Variants in GRID1 observed in about 807,000 individuals in gnomAD.
GRID1 encodes glutamate receptor ionotropic, delta-1.
GRID1 carries 28 observed loss-of-function variants against 98.0 expected under a neutral mutation model. The observed-to-expected ratio is 0.29, with a 90% CI of 0.21 to 0.39. The LOEUF (loss-of-function observed/expected upper bound fraction) is 0.39. GRID1 is among the 10% of genes least tolerant of loss of function. The pLI is 1.00. For missense variants in GRID1, 1,111 were observed against 1,340.5 expected (o/e 0.83, Z 2.67); for synonymous variants, 553 against 538.5 (o/e 1.03, Z -0.37).
chr10:85,766,246 G>A (rs1229213114), intron 8 of GRID1, among the ~76,000 whole-genome samples: 6 of 152,274 alleles, frequency 3.9e-5, no homozygotes, highest in Non-Finnish European at 5.9e-5. Context: ...AGCACTTTGA[G>A]AGACTGAGGC....
At chr10:85,927,987 C>T (rs1257901072) in intron 4 of GRID1, among the ~76,000 whole-genome samples, 1 of 152,214 alleles carries the variant, frequency 6.6e-6, no homozygotes, top group Non-Finnish European at 1.5e-5. Flanking sequence ...AGAAAGAAAA[C>T]ATTGATGGGA....
At chr10:85,669,704 C>A (rs913781848) in intron 12 of GRID1, among the ~76,000 whole-genome samples, 2 of 152,184 alleles carry the variant, frequency 1.3e-5, no homozygotes, top group Admixed American at 6.5e-5. Flanking sequence ...TAGCTCCCAT[C>A]CCCAGACGGA....
intron 4 of GRID1, among the ~76,000 whole-genome samples, chr10:86,098,157 T>G (rs999872020): frequency 6.6e-6 from 1 of 152,234 alleles, no homozygotes; most frequent in Non-Finnish European, 1.5e-5. Flanking sequence ...CATATTATGG[T>G]TCTGATATGA....
chr10:85,853,476 T>A (rs759537166), intron 8 of GRID1, among the ~76,000 whole-genome samples: 1 of 152,190 alleles, frequency 6.6e-6, no homozygotes, highest in Non-Finnish European at 1.5e-5. Context: ...TGTCTGTGAA[T>A]ACATGAGGCT....
rs80140816 is a variant in GRID1 at position 86,011,072 on chromosome 10, G to A, written c.727-94833C>T. ...TTGAAAAAAACTCACACTGGATGAA[G>A]AATAGAGATGGTCAAAATGAAAATG... On this transcript the variant is annotated intron_variant, in intron 4 of 15. Transcript: ENST00000327946. Among the ~76,000 whole-genome samples, 1,053 of 152,228 alleles carry A rather than the reference G, an allele frequency of 6.9e-3. 43 individuals carry two copies. The highest frequency in any genetic ancestry group is 0.055 in the Admixed American group (841 of 15,278).
At chr10:85,813,462 G>GAAAAAAAA (rs34014297) in intron 8 of GRID1, among the ~76,000 whole-genome samples, 1 of 134,200 alleles carries the variant, frequency 7.5e-6, no homozygotes. Context: ...GTGAAACGCT[G>GAAAAAAAA]AAAAAAAAAA....
intron 4 of GRID1, among the ~76,000 whole-genome samples, chr10:85,937,166 C>T (rs1841937834): frequency 6.6e-6 from 1 of 152,196 alleles, no homozygotes; most frequent in Admixed American, 6.5e-5. Flanking sequence ...CTCATCCCAA[C>T]AATTCTGGCT....
At chr10:86,178,366 GA>G (rs1013690528) in intron 3 of GRID1, among the ~76,000 whole-genome samples, 6 of 152,276 alleles carry the variant, frequency 3.9e-5, no homozygotes, top group East Asian at 3.9e-4. Context: ...GCAGTGGAGG[GA>G]GGACAGGGGG....
At chr10:85,883,990 A>C (rs879420098) in intron 5 of GRID1, among the ~76,000 whole-genome samples, 3 of 152,150 alleles carry the variant, frequency 2.0e-5, no homozygotes, top group Non-Finnish European at 4.4e-5. Context: ...TAGTTCTTAG[A>C]CTTTATCTCA....
At chr10:85,862,083 C>A (rs1426217193) in intron 6 of GRID1, among the ~76,000 whole-genome samples, 3 of 152,222 alleles carry the variant, frequency 2.0e-5, no homozygotes, top group Non-Finnish European at 2.9e-5. Context: ...CCTCTCACCC[C>A]TTGCCCCAGG....
chr10:86,183,354 ATTT>A (rs1361894344), intron 3 of GRID1, among the ~76,000 whole-genome samples: 32 of 151,572 alleles, frequency 2.1e-4, no homozygotes, highest in Non-Finnish European at 3.4e-4. Context: ...TTATTTATTT[ATTT>A]ATTTATTTAT....
At chr10:86,127,456 T>C (rs1458822234) in intron 4 of GRID1, among the ~76,000 whole-genome samples, 3 of 152,142 alleles carry the variant, frequency 2.0e-5, no homozygotes, top group Non-Finnish European at 4.4e-5. Context: ...TGTGCTCCAA[T>C]AACAGCCCAG....
chr10:86,327,557 C>G (rs1848070929), intron 2 of GRID1, among the ~76,000 whole-genome samples: 1 of 152,168 alleles, frequency 6.6e-6, no homozygotes, highest in Non-Finnish European at 1.5e-5. Flanking sequence ...CTGTATCTTA[C>G]TGGAGAAGAA....
intron 5 of GRID1, among the ~76,000 whole-genome samples, chr10:85,877,417 C>T (rs925083821): frequency 2.0e-5 from 3 of 152,192 alleles, no homozygotes; most frequent in African/African-American, 7.2e-5. Context: ...TCCAGAGGAA[C>T]AATCAGGCAG....
At chr10:85,726,090 C>T (rs996517054) in intron 10 of GRID1, among the ~76,000 whole-genome samples, 8 of 152,152 alleles carry the variant, frequency 5.3e-5, no homozygotes, top group Non-Finnish European at 8.8e-5. Flanking sequence ...TGTCCTGTGA[C>T]AGTGGGACAG....
chr10:85,714,370 T>C (rs1194419194), intron 12 of GRID1, among the ~76,000 whole-genome samples: 1 of 151,902 alleles, frequency 6.6e-6, no homozygotes, highest in Admixed American at 6.6e-5. Flanking sequence ...AGTTTATCTA[T>C]AAACAAACCT....
At chr10:86,024,622 C>T (rs570732807) in intron 4 of GRID1, among the ~76,000 whole-genome samples, 3 of 152,192 alleles carry the variant, frequency 2.0e-5, no homozygotes, top group Admixed American at 6.5e-5. Context: ...AGGGCTCCCC[C>T]CAAAAGTTAG....
At chr10:86,025,050 A>C (rs1173977265) in intron 4 of GRID1, among the ~76,000 whole-genome samples, 2 of 152,202 alleles carry the variant, frequency 1.3e-5, no homozygotes, top group Non-Finnish European at 2.9e-5. Context: ...TTAAACAGGA[A>C]TCATGTGATA....
At chr10:86,225,398 G>A (rs375902532) in intron 2 of GRID1, among the ~76,000 whole-genome samples, 20 of 152,224 alleles carry the variant, frequency 1.3e-4, no homozygotes, top group African/African-American at 4.3e-4. Context: ...CAGTACTCAA[G>A]GCTGAGAATT....
Sources: gnomAD v4.1 joint callset for allele counts (sites outside exome capture counted in the v4.1 genomes callset) on GRCh38, gnomAD v4.1.1 for gene constraint, MANE v1.5 for transcripts, NCBI Gene and HGNC (gene_info 2026-07-23, HGNC 2026-07-21) for gene names.